Variants in LPP observed in about 807,000 individuals in gnomAD.
LPP encodes lipoma-preferred partner.
In LPP, 38 loss-of-function variants were observed where a neutral mutation model predicts 60.4. That is an observed-to-expected ratio of 0.63 (90% CI 0.49 to 0.83). The LOEUF is 0.83. Among genes scored for constraint, LPP ranks in the 40% least tolerant of loss-of-function variants. The pLI, the probability that LPP is intolerant of heterozygous loss-of-function variation, is 0.00. For missense variants in LPP, 902 were observed against 783.6 expected (o/e 1.15, Z -1.80); for synonymous variants, 328 against 290.8 (o/e 1.13, Z -1.30).
At chr3:188,671,352 G>T (rs897015333) in intron 7 of LPP, among the ~76,000 whole-genome samples, 1 of 152,134 alleles carries the variant, frequency 6.6e-6, no homozygotes, top group African/African-American at 2.4e-5. Flanking sequence ...TTGCAATCAA[G>T]TTAAAGGCTA....
chr3:188,563,210 C>T (rs755296144), intron 6 of LPP, among the ~76,000 whole-genome samples: 4 of 151,930 alleles, frequency 2.6e-5, no homozygotes, highest in Non-Finnish European at 5.9e-5. Context: ...CATTGGACCA[C>T]GTTGTGGAAC....
At chr3:188,257,226 A>C (rs548670146) in intron 2 of LPP, among the ~76,000 whole-genome samples, 2 of 152,318 alleles carry the variant, frequency 1.3e-5, no homozygotes, top group East Asian at 1.9e-4. Flanking sequence ...AGAAGTGTTG[A>C]TAAGCTCATT....
chr3:188,773,520 G>T (rs1736765764), intron 9 of LPP, among the ~76,000 whole-genome samples: 1 of 152,092 alleles, frequency 6.6e-6, no homozygotes, highest in South Asian at 2.1e-4. Flanking sequence ...CATCTGTGAT[G>T]ACTTTTTAAT....
At chr3:188,178,028 T>C (rs945512263) in intron 1 of LPP, among the ~76,000 whole-genome samples, 11 of 152,228 alleles carry the variant, frequency 7.2e-5, no homozygotes, top group East Asian at 1.9e-4. Context: ...GGAGTGTTGA[T>C]ATAGCTGACA....
intron 9 of LPP, among the ~76,000 whole-genome samples, chr3:188,810,523 T>A (rs1037099645): frequency 2.6e-5 from 4 of 152,166 alleles, no homozygotes; most frequent in Non-Finnish European, 4.4e-5. Context: ...TTACAGGATA[T>A]TGCTATAATT....
rs34713244 is a variant in LPP at position 188,205,277 on chromosome 3, C to CTTT, written c.-189-20107_-189-20105dup. ...ACACAGGTCCTAAATAGATTATAAT[C>CTTT]TTTTTTTTTTTTTTTTTTTTTTTGG... On this transcript the variant is annotated intron_variant, in intron 1 of 11. Coordinates refer to ENST00000617246, the MANE Select transcript of LPP (RefSeq NM_001375462.1). Among the ~76,000 whole-genome samples, 94 of 103,406 alleles carry CTTT rather than the reference C, an allele frequency of 9.1e-4. 1 individual carries two copies. Among genetic ancestry groups the CTTT allele is most frequent in the African/African-American group, 1.3e-3 (36 of 26,896 alleles). The allele number at this position is 103,406 out of a possible 152,430, so 67.8% of individuals were successfully genotyped here.
At chr3:188,598,281 A>G (rs1045946650) in intron 6 of LPP, among the ~76,000 whole-genome samples, 4 of 152,248 alleles carry the variant, frequency 2.6e-5, no homozygotes, top group Admixed American at 2.6e-4. Context: ...CAGGAAGGCA[A>G]TGATCATATT....
intron 5 of LPP, among the ~76,000 whole-genome samples, chr3:188,503,841 C>T (rs1812667442): frequency 6.6e-6 from 1 of 152,124 alleles, no homozygotes; most frequent in African/African-American, 2.4e-5. Context: ...TGATGAGTCA[C>T]CTCTCTTGCA....
At chr3:188,727,216 T>TATAAAAGTGTCTGTGAG (rs1300237619) in intron 8 of LPP, among the ~76,000 whole-genome samples, 8 of 152,196 alleles carry the variant, frequency 5.3e-5, no homozygotes, top group Non-Finnish European at 2.9e-5. Context: ...TAGGGATGAT[T>TATAAAAGTGTCTGTGAG]ATAAAAGTGT....
chr3:188,166,894 TA>T lies in LPP; in HGVS notation c.-190+12649del, dbSNP rs201210644. ...GAGTTTTAAGAATAGCTTAAGAAAT[TA>T]AAAAAACCACCACCACCTAATTGAG... On this transcript the variant is annotated intron_variant, in intron 1 of 11. Transcript: ENST00000617246. Among the ~76,000 whole-genome samples the T allele has an allele frequency of 6.1e-3, 935 of 152,294 alleles. 13 individuals are homozygous for T. The highest frequency in any genetic ancestry group is 0.021 in the African/African-American group (873 of 41,558).
At chr3:188,455,947 C>T (rs1211536310) in intron 4 of LPP, among the ~76,000 whole-genome samples, 1 of 152,080 alleles carries the variant, frequency 6.6e-6, no homozygotes, top group Non-Finnish European at 1.5e-5. Flanking sequence ...GGCTTGAGTG[C>T]ACTAGTGCAG....
At chr3:188,169,121 TAACTGA>T (rs1720842230) in intron 1 of LPP, among the ~76,000 whole-genome samples, 2 of 152,272 alleles carry the variant, frequency 1.3e-5, no homozygotes, top group Admixed American at 1.3e-4. Context: ...GCTCGTAGTA[TAACTGA>T]GAAACTTTTT....
At chr3:188,551,716 C>T (rs1560553071) in intron 6 of LPP, among the ~76,000 whole-genome samples, 3 of 152,146 alleles carry the variant, frequency 2.0e-5, no homozygotes, top group South Asian at 2.1e-4. Context: ...TTGTGTGTTG[C>T]GGAAGATGGT....
chr3:188,851,529 T>C (rs947869866), intron 9 of LPP, among the ~76,000 whole-genome samples: 2 of 152,234 alleles, frequency 1.3e-5, no homozygotes, highest in African/African-American at 4.8e-5. Flanking sequence ...TTGGGCATTA[T>C]TATTGCTCAT....
At chr3:188,834,229 C>G (rs911729988) in intron 9 of LPP, among the ~76,000 whole-genome samples, 1 of 150,566 alleles carries the variant, frequency 6.6e-6, no homozygotes, top group Admixed American at 6.6e-5. Flanking sequence ...GTGGCGGGAA[C>G]ATATAGAAAT....
At chr3:188,256,475 A>G (rs1028424164) in intron 2 of LPP, among the ~76,000 whole-genome samples, 1 of 152,226 alleles carries the variant, frequency 6.6e-6, no homozygotes, top group African/African-American at 2.4e-5. Context: ...GACACCAAAC[A>G]GAATGACCAT....
intron 2 of LPP, among the ~76,000 whole-genome samples, chr3:188,225,896 G>A (rs1404077996): frequency 6.6e-6 from 1 of 152,212 alleles, no homozygotes; most frequent in Non-Finnish European, 1.5e-5. Context: ...AGACCAAAAT[G>A]AAAATGTCAC....
chr3:188,164,902 A>C (rs180745239), intron 1 of LPP, among the ~76,000 whole-genome samples: 1 of 152,078 alleles, frequency 6.6e-6, no homozygotes, highest in East Asian at 1.9e-4. Context: ...CGACGATGGA[A>C]ACGTGAATGC....
chr3:188,581,424 A>T (rs1019323646), intron 6 of LPP, among the ~76,000 whole-genome samples: 1 of 152,112 alleles, frequency 6.6e-6, no homozygotes, highest in African/African-American at 2.4e-5. Flanking sequence ...TACAGAGTTG[A>T]TTGTCTCTCT....
Sources: gnomAD v4.1 joint callset for allele counts (sites outside exome capture counted in the v4.1 genomes callset) on GRCh38, gnomAD v4.1.1 for gene constraint, MANE v1.5 for transcripts, NCBI Gene and HGNC (gene_info 2026-07-23, HGNC 2026-07-21) for gene names.